MITF: variants seen among roughly 807,000 people sequenced by gnomAD.
MITF encodes the protein microphthalmia-associated transcription factor.
In MITF, 17 loss-of-function variants were observed where a neutral mutation model predicts 60.5. The observed-to-expected ratio is 0.28, with a 90% CI of 0.19 to 0.42. The LOEUF (loss-of-function observed/expected upper bound fraction) is 0.42, where lower values mean the gene tolerates loss of function less well. Among genes scored for constraint, MITF ranks in the 10% least tolerant of loss-of-function variants. The pLI is 1.00. For missense variants in MITF, 622 were observed against 683.5 expected (o/e 0.91, Z 1.00); for synonymous variants, 260 against 248.5 (o/e 1.05, Z -0.43).
At chr3:69,947,490 T>TAAA (rs2066127428) in intron 5 of MITF, among the ~76,000 whole-genome samples, 1 of 152,144 alleles carries the variant, frequency 6.6e-6, no homozygotes, top group Non-Finnish European at 1.5e-5. Flanking sequence ...CTAAAACCAC[T>TAAA]TAGTGAAATG....
chr3:69,867,693 C>CCA (rs1559684491), intron 1 of MITF, among the ~76,000 whole-genome samples: 1 of 151,738 alleles, frequency 6.6e-6, no homozygotes. Context: ...AAAATATACT[C>CCA]TAACTTACTA....
chr3:69,799,197 T>A (rs182078026), intron 1 of MITF, among the ~76,000 whole-genome samples: 8 of 152,262 alleles, frequency 5.3e-5, no homozygotes, highest in African/African-American at 1.9e-4. Flanking sequence ...GGATGTGAGG[T>A]TCATCCTTGG....
At chr3:69,820,288 G>C (rs2063248072) in intron 1 of MITF, among the ~76,000 whole-genome samples, 1 of 151,978 alleles carries the variant, frequency 6.6e-6, no homozygotes, top group African/African-American at 2.4e-5. Context: ...ATTTCTATTA[G>C]ACGGTGCTGC....
intron 1 of MITF, among the ~76,000 whole-genome samples, chr3:69,863,152 T>C (rs1297958093): frequency 6.6e-6 from 1 of 152,182 alleles, no homozygotes; most frequent in African/African-American, 2.4e-5. Context: ...TCTGCTGAGT[T>C]CTAGGGATAC....
chr3:69,892,956 T>C lies in MITF; in HGVS notation c.354+13573T>C, dbSNP rs188154840. Among the ~76,000 whole-genome samples, 32 of 152,364 alleles carry C rather than the reference T, an allele frequency of 2.1e-4. No individual in the cohort carries two copies. In the East Asian group the frequency reaches 6.0e-3, roughly 28 times the overall value. The stretch of plus-strand genomic sequence containing the variant: ...CAGTGCATGTGGCCATCCTGCCCTT[T>C]CTGTTGAAATAAAACAAACGGTCAT... On this transcript the variant is annotated intron_variant, in intron 2 of 9. Transcript: ENST00000352241.
chr3:69,947,867 T>A (rs146915812), intron 5 of MITF, among the ~76,000 whole-genome samples: 23 of 152,278 alleles, frequency 1.5e-4, no homozygotes, highest in African/African-American at 5.3e-4. Context: ...TGGTTATCAA[T>A]GAGGGGAAGC....
At chr3:69,748,036 C>A (rs2106759140) in intron 1 of MITF, among the ~76,000 whole-genome samples, 1 of 152,162 alleles carries the variant, frequency 6.6e-6, no homozygotes, top group Non-Finnish European at 1.5e-5. Flanking sequence ...TGCTTCCTGT[C>A]CACTCTGTTG....
intron 1 of MITF, among the ~76,000 whole-genome samples, chr3:69,741,850 A>G (rs1703540158): frequency 6.6e-6 from 1 of 152,226 alleles, no homozygotes; most frequent in Non-Finnish European, 1.5e-5. Flanking sequence ...AAAGGGCTGC[A>G]CATTGTTCAG....
intron 1 of MITF, among the ~76,000 whole-genome samples, chr3:69,791,953 C>T (rs530789011): frequency 1.3e-5 from 2 of 152,236 alleles, no homozygotes; most frequent in South Asian, 2.1e-4. Context: ...CAGAGGTATT[C>T]GGGGAACTTT....
rs377330263 is a variant in MITF, at chr3:69,887,679, C to T, written c.354+8296C>T. Among the ~76,000 whole-genome samples the T allele has an allele frequency of 5.8e-4, 88 of 152,138 alleles. 2 individuals carry two copies. In the Middle Eastern group the frequency reaches 0.014, roughly 24 times the overall value. On this transcript the variant is annotated intron_variant, in intron 2 of 9. Transcript: ENST00000352241. ...CCTAAAAAAGAAATTGTTTTAATTA[C>T]TCTTTTTAAAAATAGGGAATGTCCT...
chr3:69,880,457 G>A (rs186269621), intron 2 of MITF, among the ~76,000 whole-genome samples: 28 of 152,158 alleles, frequency 1.8e-4, no homozygotes, highest in Non-Finnish European at 3.2e-4. Flanking sequence ...AATGGAACTC[G>A]GATGAAGAAA....
intron 1 of MITF, among the ~76,000 whole-genome samples, chr3:69,834,111 C>T (rs2063500466): frequency 6.6e-6 from 1 of 152,182 alleles, no homozygotes; most frequent in Non-Finnish European, 1.5e-5. Flanking sequence ...ATGATCAAAT[C>T]AGCATAGTTA....
chr3:69,901,097 T>C (rs549319265), intron 2 of MITF, among the ~76,000 whole-genome samples: 1 of 152,040 alleles, frequency 6.6e-6, no homozygotes, highest in South Asian at 2.1e-4. Flanking sequence ...TAACCTTTTA[T>C]ATTTCCATGA....
chr3:69,798,627 C>T (rs1368611603), intron 1 of MITF, among the ~76,000 whole-genome samples: 2 of 152,230 alleles, frequency 1.3e-5, no homozygotes, highest in Non-Finnish European at 2.9e-5. Flanking sequence ...TAGATTATTG[C>T]AACAGCCCTC....
At chr3:69,958,786 C>T (rs551766525) in intron 8 of MITF, among the ~76,000 whole-genome samples, 131 of 151,988 alleles carry the variant, frequency 8.6e-4, no homozygotes, top group Non-Finnish European at 1.5e-3. Flanking sequence ...TACTGTGTGG[C>T]CTAGGACAAG....
chr3:69,929,178 C>T (rs1180838875), intron 2 of MITF, among the ~76,000 whole-genome samples: 1 of 152,162 alleles, frequency 6.6e-6, no homozygotes, highest in African/African-American at 2.4e-5. Context: ...GGTTCTGCCC[C>T]TTATCCATGC....
At position 69,967,980 on chromosome 3, in the gene MITF, G is replaced by A. The variant is rs1205302474; in HGVS notation, c.*2732G>A. Reference sequence around the variant, plus strand: ...CATACAAGCAACCTGGTCATACATAGGATGACAAAATTCTTTCTGGTTGTT... The same window carrying A: ...CATACAAGCAACCTGGTCATACATAAGATGACAAAATTCTTTCTGGTTGTT... On this transcript the variant is annotated 3_prime_UTR_variant, in exon 10 of 10. Transcript: ENST00000352241. The A allele has an allele frequency of 1.7e-5, 4 of 233,368 alleles. No individual in the cohort carries two copies. Among genetic ancestry groups the A allele is most frequent in the Non-Finnish European group, 3.4e-5 (4 of 117,948 alleles). The allele number at this position is 233,368 out of a possible 1,614,324, so 14.5% of individuals were successfully genotyped here. A position where few individuals can be genotyped will look rare whatever the true frequency, so the allele number is the denominator to read the frequency against.
At chr3:69,768,991 G>A (rs1241205700) in intron 1 of MITF, among the ~76,000 whole-genome samples, 3 of 152,174 alleles carry the variant, frequency 2.0e-5, no homozygotes, top group African/African-American at 4.8e-5. Context: ...TCTGGAGTAG[G>A]ACTGTTCTAG....
chr3:69,765,343 G>A (rs2062273716), intron 1 of MITF, among the ~76,000 whole-genome samples: 2 of 152,144 alleles, frequency 1.3e-5, no homozygotes, highest in African/African-American at 4.8e-5. Context: ...ATGGAAATGA[G>A]TGCTTACTTG....
Sources: gnomAD v4.1 joint callset for allele counts (sites outside exome capture counted in the v4.1 genomes callset) on GRCh38, gnomAD v4.1.1 for gene constraint, MANE v1.5 for transcripts, NCBI Gene and HGNC (gene_info 2026-07-23, HGNC 2026-07-21) for gene names.